Variants in SLC25A20 observed in about 807,000 individuals in gnomAD.
The protein encoded by SLC25A20 is mitochondrial carnitine/acylcarnitine carrier protein.
A neutral mutation model predicts 39.7 loss-of-function variants in SLC25A20; 29 were observed. The ratio of observed to expected loss-of-function variants is 0.73; its 90% CI spans 0.54 to 1.00. The LOEUF (loss-of-function observed/expected upper bound fraction) is 1.00. Among genes scored for constraint, SLC25A20 ranks in the 50% least tolerant of loss-of-function variants. The pLI is 0.00. For synonymous variants in SLC25A20, 103 were observed against 142.2 expected (o/e 0.72, Z 1.96); for missense variants, 333 against 379.9 (o/e 0.88, Z 1.03).
chr3:48,891,772 T>C (rs1189996952), intron 2 of SLC25A20, among the ~76,000 whole-genome samples: 1 of 152,148 alleles, frequency 6.6e-6, no homozygotes, highest in Admixed American at 6.6e-5. Context: ...TTATTAGCCT[T>C]AGTCATCTGT....
intron 3 of SLC25A20, among the ~76,000 whole-genome samples, chr3:48,880,071 A>G (rs568778019): frequency 5.1e-4 from 78 of 152,296 alleles, no homozygotes; most frequent in Non-Finnish European, 7.2e-4. Context: ...AGGACCAGAC[A>G]GGGATGATAC....
chr3:48,858,473 C>G, intron 8 of SLC25A20, 34 bp downstream of exon 8: 1 of 1,613,910 alleles, frequency 6.2e-7, no homozygotes, highest in Non-Finnish European at 8.5e-7. Flanking sequence ...GCCCTGAGCC[C>G]CAGAGGGAAA....
At chr3:48,862,713 C>A in intron 4 of SLC25A20, 54 bp from the exon 5 acceptor site, 1 of 1,194,034 alleles carries the variant, frequency 8.4e-7, no homozygotes, top group Admixed American at 1.7e-5. Flanking sequence ...ACAGACCCAG[C>A]AGGTTACAGG....
At chr3:48,858,658 G>T in intron 7 of SLC25A20, 27 bp from the exon 8 acceptor site, 1 of 1,613,996 alleles carries the variant, frequency 6.2e-7, no homozygotes, top group Non-Finnish European at 8.5e-7. Context: ...AATTTTTAAG[G>T]CTTCAGGAAG....
In SLC25A20 at chr3:48,884,001, G is replaced by A. The variant is rs890427954; in HGVS notation, c.322C>T (p.Leu108Phe). 5.0e-6 allele frequency: 8 copies of A among 1,613,448 alleles called. No individual in the cohort carries two copies. In the South Asian group the frequency reaches 8.8e-5, roughly 18 times the overall value. ...KLQQKHPEDV[L>F]SYPQLFAAGM... ...TCCTGACCTGTAAGTACTCACCTGAGCACATCTTCTGGGTGTTTCTGTTGT... is the reference window on the plus strand; with the variant it reads ...TCCTGACCTGTAAGTACTCACCTGAACACATCTTCTGGGTGTTTCTGTTGT... The change falls in exon 3 of 9, where the codon CTC (leucine) becomes TTC (phenylalanine). Residue 108 changes from leucine to phenylalanine, a missense_variant. By Grantham distance (22) the Leu-to-Phe change is conservative. Transcript: ENST00000319017.
intron 3 of SLC25A20, among the ~76,000 whole-genome samples, chr3:48,882,522 A>G (rs2083801970): frequency 6.6e-6 from 1 of 152,134 alleles, no homozygotes; most frequent in South Asian, 2.1e-4. Flanking sequence ...TGGGGTTGGT[A>G]TTACAAATCT....
intron 5 of SLC25A20, among the ~76,000 whole-genome samples, chr3:48,861,047 T>C (rs1300084729): frequency 6.6e-6 from 1 of 151,662 alleles, no homozygotes; most frequent in African/African-American, 2.4e-5. Context: ...CAGGCTGGTC[T>C]TGAACTCCTG....
rs116024059 is a variant in SLC25A20 at position 48,875,814 on chromosome 3, T to C, written c.417+3544A>G. Among the ~76,000 whole-genome samples, 1,461 of 152,212 alleles carry C rather than the reference T, an allele frequency of 9.6e-3. 23 individuals carry two copies. The highest frequency in any genetic ancestry group is 0.033 in the African/African-American group (1,389 of 41,532). ...GACAGATCGCTTGAGCTCAGGAGTT[T>C]CAAGGCCAGCCTGGGCAACGTGGTA... is the stretch of plus-strand genomic sequence containing the variant. On this transcript the variant is annotated intron_variant, in intron 4 of 8. Coordinates refer to ENST00000319017, the MANE Select transcript of SLC25A20 (RefSeq NM_000387.6).
chr3:48,883,214 TA>T (rs2083807089), intron 3 of SLC25A20, among the ~76,000 whole-genome samples: 2 of 147,432 alleles, frequency 1.4e-5, no homozygotes, highest in Admixed American at 6.8e-5. Context: ...AAAAAAAATT[TA>T]AAATTAAAAA....
chr3:48,878,389 A>G (rs984583630), intron 4 of SLC25A20, among the ~76,000 whole-genome samples: 3 of 151,226 alleles, frequency 2.0e-5, no homozygotes, highest in Non-Finnish European at 4.4e-5. Flanking sequence ...ACTGAAGTGC[A>G]GTGGCACAAT....
intron 4 of SLC25A20, among the ~76,000 whole-genome samples, chr3:48,864,363 A>C (rs907585671): frequency 1.3e-5 from 2 of 150,078 alleles, no homozygotes; most frequent in African/African-American, 4.9e-5. Flanking sequence ...AAAAAAAAAA[A>C]AAAAAAAAAA....
intron 3 of SLC25A20, among the ~76,000 whole-genome samples, chr3:48,882,964 GA>G (rs2083804764): frequency 2.0e-5 from 3 of 151,604 alleles, no homozygotes; most frequent in African/African-American, 7.3e-5. Context: ...AAAGGGGGCG[GA>G]TCACGAGGTC....
In SLC25A20 at chr3:48,857,519, CA is replaced by C. The variant is rs1202455954; in HGVS notation, c.*190del. ...AATTGATAAGAATGAATTCAAGTTT[CA>C]AAATGACACACTAAGTTATACACGG... On this transcript the variant is annotated 3_prime_UTR_variant, in exon 9 of 9. Transcript: ENST00000319017. 24 of 611,340 alleles carry C rather than the reference CA, an allele frequency of 3.9e-5. No homozygotes were observed. Among genetic ancestry groups the C allele is most frequent in the Non-Finnish European group, 5.4e-5 (18 of 335,162 alleles). 37.9% of individuals were successfully genotyped at this position (611,340 alleles called of 1,614,324 possible). A position where few individuals can be genotyped will look rare whatever the true frequency, so the allele number is the denominator to read the frequency against.
chr3:48,891,071 T>G (rs995076409), intron 2 of SLC25A20, among the ~76,000 whole-genome samples: 1 of 152,084 alleles, frequency 6.6e-6, no homozygotes, highest in African/African-American at 2.4e-5. Context: ...ATCTCTGTCT[T>G]GTGTCTTTAT....
At chr3:48,896,127 G>A (rs961529541) in intron 1 of SLC25A20, among the ~76,000 whole-genome samples, 1 of 148,350 alleles carries the variant, frequency 6.7e-6, no homozygotes, top group African/African-American at 2.5e-5. Context: ...GTGACAGAGG[G>A]AGAGTCTTGT....
intron 2 of SLC25A20, among the ~76,000 whole-genome samples, chr3:48,890,115 T>A (rs1451967791): frequency 6.6e-6 from 1 of 152,166 alleles, no homozygotes; most frequent in Non-Finnish European, 1.5e-5. Flanking sequence ...GCCTGCCCAG[T>A]TTTCCAGAGG....
intron 4 of SLC25A20, among the ~76,000 whole-genome samples, chr3:48,866,845 G>A (rs966097553): frequency 5.3e-5 from 8 of 151,892 alleles, no homozygotes; most frequent in Non-Finnish European, 1.0e-4. Context: ...CCAGACTGGA[G>A]TGCAATGGCG....
intron 4 of SLC25A20, among the ~76,000 whole-genome samples, chr3:48,865,725 C>T (rs1341990560): frequency 4.1e-5 from 6 of 146,172 alleles, no homozygotes; most frequent in African/African-American, 1.5e-4. Flanking sequence ...GCTGATATCG[C>T]GCCACCGCAC....
Position 48,858,639 on chromosome 3 carries a change from G to A in SLC25A20, c.719-8C>T, listed in dbSNP as rs1490115307. The A allele has an allele frequency of 1.2e-6, 2 of 1,614,122 alleles. No homozygotes were observed. Among genetic ancestry groups the A allele is most frequent in the South Asian group, 2.2e-5 (2 of 91,088 alleles). On this transcript the variant is annotated splice_region_variant and splice_polypyrimidine_tract_variant and intron_variant, in intron 7 of 8. Transcript: ENST00000319017. ...GATATTTCCCAGGAGGTGCTGTGGG[G>A]CAGAACCCAATTTTTAAGGCTTCAG... is the stretch of plus-strand genomic sequence containing the variant.
Sources: gnomAD v4.1 joint callset for allele counts (sites outside exome capture counted in the v4.1 genomes callset) on GRCh38, gnomAD v4.1.1 for gene constraint, MANE v1.5 for transcripts, NCBI Gene and HGNC (gene_info 2026-07-23, HGNC 2026-07-21) for gene names.